The following CACNA2D2 variants were observed in gnomAD, a reference collection of about 807,000 sequenced individuals.
CACNA2D2 encodes the protein calcium voltage-gated channel auxiliary subunit alpha2delta 2.
CACNA2D2 carries 48 observed loss-of-function variants against 166.4 expected under a neutral mutation model. The ratio of observed to expected loss-of-function variants is 0.29; its 90% CI spans 0.23 to 0.37. CACNA2D2 has a LOEUF of 0.37. Among genes scored for constraint, CACNA2D2 ranks in the 10% least tolerant of loss-of-function variants. The pLI, the probability that CACNA2D2 is intolerant of heterozygous loss-of-function variation, is 1.00. For missense variants in CACNA2D2, 1,122 were observed against 1,433.0 expected, an observed-to-expected ratio of 0.78 and a Z score of 3.50; for synonymous variants, 561 against 573.7, an observed-to-expected ratio of 0.98 and a Z score of 0.32.
intron 3 of CACNA2D2, among the ~76,000 whole-genome samples, chr3:50,422,431 A>G (rs1336369105): frequency 6.6e-6 from 1 of 152,044 alleles, no homozygotes; most frequent in Admixed American, 6.5e-5. Context: ...CCTCAGCCTC[A>G]ATGCCCCTTC....
intron 2 of CACNA2D2, among the ~76,000 whole-genome samples, chr3:50,455,453 G>T (rs560001351): frequency 6.6e-6 from 1 of 152,194 alleles, no homozygotes; most frequent in Non-Finnish European, 1.5e-5. Flanking sequence ...CTCCCTCCAC[G>T]CTCCAGAGCT....
At chr3:50,388,381 A>C (rs1244408887) in intron 4 of CACNA2D2, among the ~76,000 whole-genome samples, 1 of 152,080 alleles carries the variant, frequency 6.6e-6, no homozygotes, top group Non-Finnish European at 1.5e-5. Context: ...GGTCTGCCAC[A>C]CTCTGCCCCC....
chr3:50,365,639 G>T lies in CACNA2D2; in HGVS notation c.2965C>A (p.Gln989Lys). ...LYGLIYHSWF[Q>K]ADPAEAEGSP... Reference sequence around the variant, plus strand: ...CCTCCAAAGCCCTACCTACCTGCTTGGAACCAGCTGTGGTAGATGAGGCCG... The same window carrying T: ...CCTCCAAAGCCCTACCTACCTGCTTTGAACCAGCTGTGGTAGATGAGGCCG... The change falls in exon 34 of 38, where the codon CAA (glutamine) becomes AAA (lysine). Residue 989 changes from glutamine (Q) to lysine (K), a missense_variant. Gln to Lys is a moderately conservative substitution (Grantham distance 53). Coordinates refer to ENST00000424201, the MANE Select transcript of CACNA2D2 (RefSeq NM_006030.4). This position sits in a 1 kb window ranked among gnomAD's most constrained non-coding sequence, Gnocchi z 4.5. 6.3e-7 allele frequency: 1 copy of T among 1,578,654 alleles called. No individual in the cohort carries two copies. Among genetic ancestry groups the T allele is most frequent in the African/African-American group, 1.3e-5 (1 of 74,700 alleles).
At chr3:50,404,549 G>A (rs979958154) in intron 3 of CACNA2D2, among the ~76,000 whole-genome samples, 11 of 152,140 alleles carry the variant, frequency 7.2e-5, no homozygotes, top group African/African-American at 2.7e-4. Context: ...CTCCTGACAT[G>A]CCCCAACATC....
intron 22 of CACNA2D2, chr3:50,373,172 G>C: frequency 1.4e-4 from 142 of 1,029,106 alleles, no homozygotes; most frequent in Non-Finnish European, 1.9e-4. Context: ...GAAAGGGGAG[G>C]GGCACAAACA....
At position 50,367,424 on chromosome 3, in the gene CACNA2D2, C is replaced by T; in HGVS notation, c.2371G>A (p.Gly791Ser). Residue 791 changes from glycine to serine, a missense_variant, in exon 27 of 38, where the codon GGT becomes AGT. By Grantham distance (56) the Gly-to-Ser change is moderately conservative. This residue lies in a region of CACNA2D2 where 840 missense variants were observed against 1,166.8 expected (regional missense o/e 0.72). Coordinates refer to ENST00000424201, the MANE Select transcript of CACNA2D2 (RefSeq NM_006030.4). The surrounding 1 kb of genome is among the most constrained non-coding windows in gnomAD (Gnocchi z 6.5). ...TGGTGTGGGGGCTTGAAGACATAAC[C>T]GTGGTTATCCAGGCTGCGGCGGTAG... ...SFYRRSLDNH[G>S]YVFKPPHQDA... 3.1e-6 allele frequency: 5 copies of T among 1,613,814 alleles called. No individual in the cohort carries two copies. The highest frequency in any genetic ancestry group is 2.2e-5 in the East Asian group (1 of 44,878).
At position 50,448,869 on chromosome 3, in the gene CACNA2D2, C is replaced by A. The variant is rs1575703020; in HGVS notation, c.289-14440G>T. On this transcript the variant is annotated intron_variant, in intron 2 of 37. Coordinates refer to ENST00000424201, the MANE Select transcript of CACNA2D2 (RefSeq NM_006030.4). Reference sequence around the variant, plus strand: ...CTACCCCCACAGACCCTGAGAACACCCCATTGATGGCGCAGGCTGCAACAG... The same window carrying A: ...CTACCCCCACAGACCCTGAGAACACACCATTGATGGCGCAGGCTGCAACAG... Among the ~76,000 whole-genome samples, 5 of 152,254 alleles carry A rather than the reference C, an allele frequency of 3.3e-5. No homozygotes were observed. In the South Asian group the frequency reaches 1.0e-3, roughly 32 times the overall value.
intron 2 of CACNA2D2, among the ~76,000 whole-genome samples, chr3:50,446,852 G>A (rs1332353655): frequency 6.6e-6 from 1 of 152,212 alleles, no homozygotes; most frequent in Non-Finnish European, 1.5e-5. Context: ...AGGGTAGGTA[G>A]ACTTCAAGGA....
intron 4 of CACNA2D2, among the ~76,000 whole-genome samples, chr3:50,391,164 A>C (rs973327856): frequency 2.6e-5 from 4 of 152,182 alleles, no homozygotes; most frequent in Middle Eastern, 6.8e-3. Flanking sequence ...TCTAGTCCCT[A>C]GGCAGAGCTC....
chr3:50,490,630 A>C (rs1698483153), intron 1 of CACNA2D2, among the ~76,000 whole-genome samples: 1 of 152,192 alleles, frequency 6.6e-6, no homozygotes, highest in Non-Finnish European at 1.5e-5. Context: ...GCTGCTGTGT[A>C]AGAGGCTGCT....
chr3:50,430,078 T>C (rs1288430887), intron 3 of CACNA2D2, among the ~76,000 whole-genome samples: 1 of 152,156 alleles, frequency 6.6e-6, no homozygotes, highest in African/African-American at 2.4e-5. Flanking sequence ...AGGTGCTAGA[T>C]TCCTAGCGGG....
At chr3:50,453,968 C>G (rs1475982360) in intron 2 of CACNA2D2, among the ~76,000 whole-genome samples, 1 of 152,066 alleles carries the variant, frequency 6.6e-6, no homozygotes, top group African/African-American at 2.4e-5. Flanking sequence ...TTCTGCCCTG[C>G]CCCCGCCTCA....
chr3:50,457,239 G>C (rs1251057848), intron 2 of CACNA2D2, among the ~76,000 whole-genome samples: 2 of 152,148 alleles, frequency 1.3e-5, no homozygotes, highest in East Asian at 3.9e-4. Flanking sequence ...GACAGAGTAA[G>C]ACTCTGTCTC....
At chr3:50,381,214 T>C (rs2106671278) in intron 6 of CACNA2D2, 88 bp from the exon 7 acceptor site, 4 of 1,474,968 alleles carry the variant, frequency 2.7e-6, no homozygotes, top group East Asian at 2.3e-5. Context: ...TGTGCCCCCA[T>C]TTAGAATCCC....
chr3:50,387,344 A>T (rs139118244), intron 5 of CACNA2D2, among the ~76,000 whole-genome samples: 285 of 152,264 alleles, frequency 1.9e-3, no homozygotes, highest in Non-Finnish European at 3.1e-3. Flanking sequence ...GCGCCTCACC[A>T]CCTGCCTCAC....
At chr3:50,475,134 T>C (rs773068656) in intron 2 of CACNA2D2, among the ~76,000 whole-genome samples, 64 of 152,122 alleles carry the variant, frequency 4.2e-4, no homozygotes, top group Non-Finnish European at 4.1e-4. Context: ...GGGCACCAGC[T>C]ATAAGCTAAG....
chr3:50,498,374 A>G (rs901462673), intron 1 of CACNA2D2, among the ~76,000 whole-genome samples: 13 of 152,190 alleles, frequency 8.5e-5, no homozygotes, highest in African/African-American at 3.1e-4. Context: ...AAGGGACTAA[A>G]GGAGCCAGCC....
intron 2 of CACNA2D2, among the ~76,000 whole-genome samples, chr3:50,437,979 G>A (rs957382800): frequency 1.3e-5 from 2 of 152,348 alleles, no homozygotes; most frequent in East Asian, 1.9e-4. Context: ...GGACTAAGGA[G>A]CACGACGGGG....
chr3:50,472,666 C>T (rs1401179860), intron 2 of CACNA2D2, among the ~76,000 whole-genome samples: 1 of 152,156 alleles, frequency 6.6e-6, no homozygotes, highest in African/African-American at 2.4e-5. Flanking sequence ...CCCCCTGGAC[C>T]CTAGACACCT....
Sources: gnomAD v4.1 joint callset for allele counts (sites outside exome capture counted in the v4.1 genomes callset) on GRCh38, gnomAD v4.1.1 for gene constraint, gnomAD v4.1.1 regional missense constraint, Gnocchi (gnomAD v3.1) non-coding constraint, MANE v1.5 for transcripts, NCBI Gene and HGNC (gene_info 2026-07-23, HGNC 2026-07-21) for gene names.